Variants in ECPAS observed in about 807,000 individuals in gnomAD.
The protein encoded by ECPAS is proteasome adapter and scaffold protein ECM29.
ECPAS carries 70 observed loss-of-function variants against 255.1 expected under a neutral mutation model. The observed-to-expected ratio is 0.27, with a 90% confidence interval of 0.23 to 0.33. ECPAS has a LOEUF of 0.33. Among genes scored for constraint, ECPAS ranks in the 10% least tolerant of loss-of-function variants. The pLI is 1.00. For missense variants in ECPAS, 1,817 were observed against 2,206.4 expected, an observed-to-expected ratio of 0.82 and a Z score of 3.54; for synonymous variants, 784 against 775.0, an observed-to-expected ratio of 1.01 and a Z score of -0.19.
chr9:111,372,737 A>G, intron 41 of ECPAS, 117 bp from the exon 42 acceptor site: 1 of 844,744 alleles, frequency 1.2e-6, no homozygotes. Flanking sequence ...TCAATTAGAA[A>G]TGTTTCTAGC....
intron 3 of ECPAS, 53 bp from the exon 4 acceptor site, chr9:111,444,547 CTCA>C: frequency 8.3e-7 from 1 of 1,199,854 alleles, no homozygotes; most frequent in African/African-American, 1.5e-5. Flanking sequence ...TTAAAAACCA[CTCA>C]TCTTAAAATT....
At chr9:111,388,512 C>T (rs78640009) in intron 31 of ECPAS, among the ~76,000 whole-genome samples, 8,376 of 151,160 alleles carry the variant, frequency 0.055, 562 homozygotes, top group African/African-American at 0.15. Context: ...ACATTACGGG[C>T]AGGGACTTGT....
intron 25 of ECPAS, among the ~76,000 whole-genome samples, chr9:111,396,273 T>C (rs1456445092): frequency 6.6e-6 from 1 of 152,152 alleles, no homozygotes; most frequent in Non-Finnish European, 1.5e-5. Context: ...CTTGAAATCA[T>C]AATATATAAA....
At chr9:111,445,373 A>T (rs1410895914) in intron 3 of ECPAS, among the ~76,000 whole-genome samples, 1 of 151,958 alleles carries the variant, frequency 6.6e-6, no homozygotes, top group Non-Finnish European at 1.5e-5. Context: ...GTCCCTCAAG[A>T]AGAACAGATT....
chr9:111,363,574 T>A lies in ECPAS; in HGVS notation c.5380+14A>T, dbSNP rs2297525. 104,560 of 1,526,850 alleles carry A rather than the reference T, an allele frequency of 0.068. 4,526 individuals carry two copies. Among genetic ancestry groups the A allele is most frequent in the East Asian group, 0.18 (8,041 of 43,550 alleles). 94.6% of individuals were successfully genotyped at this position (1,526,850 alleles called of 1,614,324 possible). The stretch of plus-strand genomic sequence containing the variant: ...GGCTTTATGGTCCCCCAGTCAGAAC[T>A]AACAACAACTTACCTTCAAGTTTTT... On this transcript the variant is annotated intron_variant, in intron 49 of 49. Transcript: ENST00000684092.
chr9:111,457,611 GTCT>G (rs1271201469), intron 2 of ECPAS, among the ~76,000 whole-genome samples: 2 of 152,192 alleles, frequency 1.3e-5, no homozygotes, highest in African/African-American at 2.4e-5. Context: ...AGAAGGCACA[GTCT>G]TCTTCTGAGA....
chr9:111,378,038 C>T (rs1446355571), intron 36 of ECPAS, among the ~76,000 whole-genome samples: 1 of 151,958 alleles, frequency 6.6e-6, no homozygotes, highest in Admixed American at 6.6e-5. Flanking sequence ...CTCAGCTACT[C>T]GGGATGCTGA....
At chr9:111,451,629 A>T in intron 2 of ECPAS, 74 bp from the exon 3 acceptor site, 1 of 1,392,756 alleles carries the variant, frequency 7.2e-7, no homozygotes, top group Middle Eastern at 2.3e-4. Context: ...TTTATAGCTT[A>T]TTCTTTTTTT....
intron 36 of ECPAS, among the ~76,000 whole-genome samples, chr9:111,377,001 G>C (rs1407762910): frequency 6.6e-6 from 1 of 152,210 alleles, no homozygotes; most frequent in Non-Finnish European, 1.5e-5. Context: ...ACACTATCCA[G>C]ATATGATAAG....
rs545573149 is a variant in ECPAS at position 111,483,931 on chromosome 9, C to G, written c.-83+185G>C. 5.1e-4 allele frequency: 414 copies of G among 815,976 alleles called. 4 individuals are homozygous for G. The highest frequency in any genetic ancestry group is 9.5e-4 in the Admixed American group (15 of 15,754). The allele number at this position is 815,976 out of a possible 1,614,324, so 50.5% of individuals were successfully genotyped here. On this transcript the variant is annotated intron_variant, in intron 1 of 49. Transcript: ENST00000684092. ...GCCATCCTCCCAGCGGCCCCCCCGC[C>G]GGGCCCCTCGCGCGCCCGCCCGCCC...
Position 111,375,107 on chromosome 9 carries a change from A to G in ECPAS, c.4110+6T>C. The G allele has an allele frequency of 6.2e-7, 1 of 1,605,058 alleles. No individual in the cohort carries two copies. The highest frequency in any genetic ancestry group is 8.5e-7 in the Non-Finnish European group (1 of 1,172,542). ...GCACATTTCCTCTTGTGGAAAGTAC[A>G]CTTACCTTAGTTCCAAGACCTACAC... On this transcript the variant is annotated splice_donor_region_variant and intron_variant, in intron 38 of 49. Transcript: ENST00000684092.
intron 31 of ECPAS, among the ~76,000 whole-genome samples, chr9:111,388,914 G>A (rs1457849410): frequency 6.6e-6 from 1 of 152,176 alleles, no homozygotes; most frequent in Non-Finnish European, 1.5e-5. Flanking sequence ...TGGGTTTATG[G>A]TATTCTGAAA....
chr9:111,418,148 G>A (rs1435443420), intron 16 of ECPAS, 142 bp from the exon 17 acceptor site: 9 of 728,946 alleles, frequency 1.2e-5, no homozygotes, highest in Non-Finnish European at 1.9e-5. Flanking sequence ...TCTAAGCAGA[G>A]TCAACATAAC....
chr9:111,419,348 A>C (rs1475056689), intron 16 of ECPAS, among the ~76,000 whole-genome samples: 22 of 152,212 alleles, frequency 1.4e-4, no homozygotes. Flanking sequence ...GTTTATTATG[A>C]AATAGATTAG....
chr9:111,470,104 C>T (rs978432494), intron 2 of ECPAS, among the ~76,000 whole-genome samples: 1 of 152,128 alleles, frequency 6.6e-6, no homozygotes, highest in Admixed American at 6.5e-5. Flanking sequence ...AAGTCCTGAG[C>T]AGGAGGTCCC....
chr9:111,379,748 G>A (rs2098138180), intron 35 of ECPAS, among the ~76,000 whole-genome samples: 2 of 152,160 alleles, frequency 1.3e-5, no homozygotes, highest in South Asian at 2.1e-4. Context: ...TTTTAACAAT[G>A]TTCACAGAAT....
intron 24 of ECPAS, among the ~76,000 whole-genome samples, chr9:111,402,561 A>C (rs1285618408): frequency 6.6e-6 from 1 of 152,228 alleles, no homozygotes; most frequent in African/African-American, 2.4e-5. Flanking sequence ...ACTCCATAGA[A>C]TCTTTAGTAT....
In ECPAS at chr9:111,416,276, C is replaced by T. The variant is rs747906383; in HGVS notation, c.1760G>A (p.Gly587Glu). 1.2e-6 allele frequency: 2 copies of T among 1,611,898 alleles called. No homozygotes were observed. The highest frequency in any genetic ancestry group is 3.3e-5 in the Admixed American group (2 of 59,986). ...AGAAATATATGAAAGTTCTACCTCT[C>T]CAAAGGCTGCTGGGTTAAATGGAAG... Reference protein sequence around the residue: ...TVLPFNPAAFGEIVLYLRMCL... With the variant: ...TVLPFNPAAFEEIVLYLRMCL... Residue 587 changes from glycine to glutamate, a missense_variant, in exon 18 of 50, where the codon GGA (glycine) becomes GAA (glutamate). Gly to Glu is a moderately conservative substitution (Grantham distance 98). This residue lies in a region of ECPAS where 573 missense variants were observed against 716.2 expected (regional missense o/e 0.80). Coordinates refer to ENST00000684092, the MANE Select transcript of ECPAS (RefSeq NM_001364929.1).
In ECPAS at chr9:111,425,615, A is replaced by G. The variant is rs2098220433; in HGVS notation, c.1137-119T>C. 10 of 1,021,928 alleles carry G rather than the reference A, an allele frequency of 9.8e-6. No individual in the cohort carries two copies. In the South Asian group the frequency reaches 1.7e-4, roughly 17 times the overall value. 63.3% of individuals were successfully genotyped at this position (1,021,928 alleles called of 1,614,324 possible). The stretch of plus-strand genomic sequence containing the variant: ...GAAATAAGTTAAATAATCTATTAAA[A>G]TACAAAAATTTTTAAAGATGAGCAA... On this transcript the variant is annotated intron_variant, in intron 11 of 49. Transcript: ENST00000684092.
Sources: gnomAD v4.1 joint callset for allele counts (sites outside exome capture counted in the v4.1 genomes callset) on GRCh38, gnomAD v4.1.1 for gene constraint, gnomAD v4.1.1 regional missense constraint, MANE v1.5 for transcripts, NCBI Gene and HGNC (gene_info 2026-07-23, HGNC 2026-07-21) for gene names.